Variants in NRXN1 observed in about 807,000 individuals in gnomAD.
NRXN1 encodes neurexin 1.
NRXN1 carries 39 observed loss-of-function variants against 150.9 expected under a neutral mutation model. The ratio of observed to expected loss-of-function variants is 0.26; its 90% CI spans 0.20 to 0.34. The LOEUF is 0.34. Among genes scored for constraint, NRXN1 ranks in the 10% least tolerant of loss-of-function variants. NRXN1 has a pLI of 1.00. For missense variants in NRXN1, 1,815 were observed against 1,949.9 expected, an observed-to-expected ratio of 0.93 and a Z score of 1.30; for synonymous variants, 924 against 757.0, an observed-to-expected ratio of 1.22 and a Z score of -3.62.
At chr2:50,357,529 A>G (rs778515232) in intron 17 of NRXN1, among the ~76,000 whole-genome samples, 5 of 151,832 alleles carry the variant, frequency 3.3e-5, no homozygotes, top group African/African-American at 4.8e-5. Context: ...GCTGATCTCG[A>G]ACTCCCAACC....
intron 18 of NRXN1, among the ~76,000 whole-genome samples, chr2:50,168,032 G>GT (rs113796124): frequency 0.18 from 26,222 of 149,374 alleles, 2,738 homozygotes; most frequent in East Asian, 0.42. Flanking sequence ...TTTTCCAAAG[G>GT]TTTTTTTTTT....
At chr2:50,090,147 G>A (rs2045003) in intron 19 of NRXN1, among the ~76,000 whole-genome samples, 44,471 of 152,024 alleles carry the variant, frequency 0.29, 7,051 homozygotes, top group Admixed American at 0.4. Flanking sequence ...TACTAGGCTT[G>A]TGGAATAGGT....
At chr2:50,216,199 T>C (rs943873145) in intron 18 of NRXN1, among the ~76,000 whole-genome samples, 5 of 151,942 alleles carry the variant, frequency 3.3e-5, no homozygotes, top group African/African-American at 7.2e-5. Context: ...CCAGCCTGGG[T>C]GACAGAGCAG....
chr2:50,388,466 G>A (rs745440672), intron 17 of NRXN1, among the ~76,000 whole-genome samples: 26 of 151,998 alleles, frequency 1.7e-4, no homozygotes, highest in Non-Finnish European at 2.9e-4. Flanking sequence ...TAGCCACTTG[G>A]AACACATACA....
At chr2:50,325,259 T>C (rs542928441) in intron 17 of NRXN1, among the ~76,000 whole-genome samples, 1 of 152,312 alleles carries the variant, frequency 6.6e-6, no homozygotes, top group East Asian at 1.9e-4. Context: ...AGTAAAGATG[T>C]AGACTGTTCC....
intron 17 of NRXN1, among the ~76,000 whole-genome samples, chr2:50,267,281 T>G (rs763698286): frequency 1.3e-5 from 2 of 152,246 alleles, no homozygotes; most frequent in Non-Finnish European, 2.9e-5. Context: ...TGTTTCTGCA[T>G]TTTGAAGAAA....
intron 21 of NRXN1, among the ~76,000 whole-genome samples, chr2:49,951,142 A>C (rs548659580): frequency 6.6e-6 from 1 of 152,082 alleles, no homozygotes; most frequent in South Asian, 2.1e-4. Flanking sequence ...CCTAACAGGC[A>C]AAACTCAAAG....
chr2:50,755,246 C>T (rs1382077770), intron 5 of NRXN1, among the ~76,000 whole-genome samples: 1 of 151,828 alleles, frequency 6.6e-6, no homozygotes. Flanking sequence ...CTCAACCCCA[C>T]CGCTTCTAAT....
chr2:50,904,661 G>C (rs1261312236), intron 5 of NRXN1, among the ~76,000 whole-genome samples: 1 of 150,490 alleles, frequency 6.6e-6, no homozygotes, highest in East Asian at 1.9e-4. Flanking sequence ...TAAATGATCA[G>C]ACCTTTCTTT....
chr2:50,388,863 G>GT (rs1558647955), intron 17 of NRXN1, among the ~76,000 whole-genome samples: 1 of 150,324 alleles, frequency 6.7e-6, no homozygotes, highest in Non-Finnish European at 1.5e-5. Flanking sequence ...CAACAGCAAA[G>GT]TAAAAAAAAA....
intron 21 of NRXN1, among the ~76,000 whole-genome samples, chr2:50,020,060 A>G (rs1368206103): frequency 6.6e-6 from 1 of 151,132 alleles, no homozygotes; most frequent in Non-Finnish European, 1.5e-5. Flanking sequence ...ATTGAAGCTC[A>G]GGTTTATCTT....
chr2:50,780,763 CT>C lies in NRXN1; in HGVS notation c.832+141105del, dbSNP rs536871886. On this transcript the variant is annotated intron_variant, in intron 5 of 22. Coordinates refer to ENST00000401669, the MANE Select transcript of NRXN1 (RefSeq NM_001330078.2). Reference sequence around the variant, plus strand: ...CATTTAAAAATTTGTTTATTAACCACTTTTTTATATGATATGAAATGACTAA... The same window carrying C: ...CATTTAAAAATTTGTTTATTAACCACTTTTTATATGATATGAAATGACTAA... 4.6e-3 allele frequency among the ~76,000 whole-genome samples: 705 copies of C among 152,162 alleles called. 8 individuals are homozygous for C. The highest frequency in any genetic ancestry group is 0.024 in the Middle Eastern group (7 of 294).
intron 2 of NRXN1, among the ~76,000 whole-genome samples, chr2:50,939,976 G>A (rs2104474126): frequency 6.6e-6 from 1 of 152,178 alleles, no homozygotes; most frequent in Middle Eastern, 3.4e-3. Context: ...GAATTATAAA[G>A]CCATCAATTA....
intron 18 of NRXN1, chr2:50,207,412 T>G (rs2062682436): frequency 2.0e-5 from 3 of 152,110 alleles, no homozygotes; most frequent in African/African-American, 7.2e-5. Context: ...TTTTTTTATT[T>G]TGATACTTAC....
At chr2:50,450,290 C>T (rs975222812) in intron 17 of NRXN1, among the ~76,000 whole-genome samples, 12 of 152,202 alleles carry the variant, frequency 7.9e-5, no homozygotes, top group Admixed American at 2.0e-4. Context: ...TGAATGCACA[C>T]GGCAATGGTT....
At chr2:50,408,756 C>T (rs1270328170) in intron 17 of NRXN1, among the ~76,000 whole-genome samples, 1 of 151,912 alleles carries the variant, frequency 6.6e-6, no homozygotes, top group Non-Finnish European at 1.5e-5. Flanking sequence ...CCTATTGCCA[C>T]AGCTGAAGAG....
At chr2:49,983,712 G>T (rs138962390) in intron 21 of NRXN1, among the ~76,000 whole-genome samples, 36 of 152,134 alleles carry the variant, frequency 2.4e-4, no homozygotes, top group African/African-American at 7.7e-4. Context: ...AACCACCTGT[G>T]GAGAACACAG....
chr2:50,747,436 A>C (rs1003989160), intron 5 of NRXN1, among the ~76,000 whole-genome samples: 2 of 152,172 alleles, frequency 1.3e-5, no homozygotes, highest in Admixed American at 6.5e-5. Context: ...CCATTTGCTT[A>C]ATTTTCTCTT....
chr2:50,103,798 C>T (rs17039292), intron 18 of NRXN1, among the ~76,000 whole-genome samples: 8 of 151,840 alleles, frequency 5.3e-5, no homozygotes, highest in Admixed American at 5.3e-4. Flanking sequence ...CAGTTGTGGA[C>T]GTTTAGCTCA....
Sources: gnomAD v4.1 joint callset for allele counts (sites outside exome capture counted in the v4.1 genomes callset) on GRCh38, gnomAD v4.1.1 for gene constraint, MANE v1.5 for transcripts, NCBI Gene and HGNC (gene_info 2026-07-23, HGNC 2026-07-21) for gene names.